Variants in PITPNC1 observed in about 807,000 individuals in gnomAD.
PITPNC1 encodes phosphatidylinositol transfer protein cytoplasmic 1.
Under a neutral mutation model 44.7 loss-of-function variants are expected in PITPNC1, and 18 were observed. The observed-to-expected ratio is 0.40, with a 90% CI of 0.28 to 0.60. The LOEUF is 0.60. PITPNC1 is among the 20% of genes least tolerant of loss of function. The pLI is 0.39. For missense variants in PITPNC1, 290 were observed against 418.4 expected (o/e 0.69, Z 2.68); for synonymous variants, 141 against 149.6 (o/e 0.94, Z 0.42).
At position 67,684,879 on chromosome 17, in the gene PITPNC1, G is replaced by T. The variant is rs184466308; in HGVS notation, c.683-7693G>T. Among the ~76,000 whole-genome samples, 7 of 152,280 alleles carry T rather than the reference G, an allele frequency of 4.6e-5. No individual in the cohort carries two copies. In the East Asian group the frequency reaches 1.4e-3, roughly 29 times the overall value. On this transcript the variant is annotated intron_variant, in intron 8 of 8. Transcript: ENST00000581322. ...GAAAGCCCATAGTCACAAAGTTTAA[G>T]CCCCTATCTTGACGTTGAGCTAATT... is the stretch of plus-strand genomic sequence containing the variant.
At chr17:67,632,472 T>C in intron 6 of PITPNC1, 1 of 549,974 alleles carries the variant, frequency 1.8e-6, no homozygotes. Context: ...GTCTCCCAAC[T>C]CTGCCATCAT....
chr17:67,596,634 C>T (rs1427008786), intron 5 of PITPNC1, among the ~76,000 whole-genome samples: 1 of 152,104 alleles, frequency 6.6e-6, no homozygotes, highest in Non-Finnish European at 1.5e-5. Flanking sequence ...CCTCGGCCTC[C>T]TGAGTAGCTG....
intron 1 of PITPNC1, among the ~76,000 whole-genome samples, chr17:67,478,164 TG>T (rs1161901456): frequency 1.3e-5 from 2 of 152,160 alleles, no homozygotes; most frequent in Non-Finnish European, 2.9e-5. Flanking sequence ...TGGAATGAAA[TG>T]AAGGCTGTGT....
At chr17:67,606,286 A>T (rs977920607) in intron 5 of PITPNC1, among the ~76,000 whole-genome samples, 1 of 152,252 alleles carries the variant, frequency 6.6e-6, no homozygotes, top group African/African-American at 2.4e-5. Context: ...TTTCTTTATC[A>T]AACCTTGGGG....
At chr17:67,476,320 G>A (rs1432158096) in intron 1 of PITPNC1, among the ~76,000 whole-genome samples, 2 of 151,910 alleles carry the variant, frequency 1.3e-5, no homozygotes, top group Admixed American at 1.3e-4. Context: ...CTGAGGAGCT[G>A]GGATTACAGG....
intron 6 of PITPNC1, among the ~76,000 whole-genome samples, chr17:67,643,341 G>A (rs61294304): frequency 0.11 from 16,190 of 152,130 alleles, 1,435 homozygotes; most frequent in African/African-American, 0.23. Flanking sequence ...AGCTGAGATC[G>A]CGCCACTGCA....
At chr17:67,576,848 C>T (rs1291836130) in intron 4 of PITPNC1, among the ~76,000 whole-genome samples, 1 of 152,134 alleles carries the variant, frequency 6.6e-6, no homozygotes, top group East Asian at 1.9e-4. Context: ...ATTCTTGCTG[C>T]CCAGTATTAT....
chr17:67,632,384 A>G, intron 6 of PITPNC1, 146 bp downstream of exon 6: 1 of 623,470 alleles, frequency 1.6e-6, no homozygotes, highest in Admixed American at 2.7e-5. Flanking sequence ...TCTTTTTGCA[A>G]GTCTCAAAAT....
intron 1 of PITPNC1, among the ~76,000 whole-genome samples, chr17:67,509,978 A>G (rs1025724135): frequency 2.6e-5 from 4 of 152,232 alleles, no homozygotes; most frequent in Admixed American, 2.6e-4. Flanking sequence ...ATTGACTTCA[A>G]TGAGTCTTAA....
At chr17:67,619,225 G>A (rs2041799595) in intron 5 of PITPNC1, among the ~76,000 whole-genome samples, 1 of 152,144 alleles carries the variant, frequency 6.6e-6, no homozygotes, top group South Asian at 2.1e-4. Flanking sequence ...ACTTATTTCT[G>A]TGTGCTCAAA....
At chr17:67,610,994 G>A (rs1432120550) in intron 5 of PITPNC1, among the ~76,000 whole-genome samples, 3 of 151,924 alleles carry the variant, frequency 2.0e-5, no homozygotes, top group Non-Finnish European at 4.4e-5. Flanking sequence ...CTACTTGTTG[G>A]CTAACAAGAT....
chr17:67,593,751 C>A (rs1364404606), intron 5 of PITPNC1, among the ~76,000 whole-genome samples: 1 of 152,100 alleles, frequency 6.6e-6, no homozygotes, highest in African/African-American at 2.4e-5. Flanking sequence ...AGAAAATATT[C>A]ATCTGAGTCT....
intron 6 of PITPNC1, among the ~76,000 whole-genome samples, chr17:67,643,973 G>C (rs2042118559): frequency 6.6e-6 from 1 of 152,176 alleles, no homozygotes; most frequent in African/African-American, 2.4e-5. Context: ...GTGGAGAACA[G>C]GAGCAGAGGT....
chr17:67,437,526 T>G (rs1307209712), intron 1 of PITPNC1, among the ~76,000 whole-genome samples: 1 of 152,216 alleles, frequency 6.6e-6, no homozygotes, highest in Non-Finnish European at 1.5e-5. Context: ...AACACATTTC[T>G]GTTGCTTTAG....
At chr17:67,647,464 G>GTTTTT (rs60407940) in intron 6 of PITPNC1, among the ~76,000 whole-genome samples, 95 of 72,348 alleles carry the variant, frequency 1.3e-3, no homozygotes, top group East Asian at 1.7e-3. Flanking sequence ...CTAATTTTGG[G>GTTTTT]TTTTTTTTTT....
intron 1 of PITPNC1, among the ~76,000 whole-genome samples, chr17:67,442,204 C>CATATAT (rs10526037): frequency 0.015 from 829 of 54,058 alleles, 52 homozygotes; most frequent in East Asian, 0.024. Context: ...GGAAAATAAG[C>CATATAT]ATATATATAT....
chr17:67,569,244 C>T (rs1473845109), intron 4 of PITPNC1, among the ~76,000 whole-genome samples: 1 of 152,166 alleles, frequency 6.6e-6, no homozygotes, highest in East Asian at 1.9e-4. Flanking sequence ...CAACCCTAAT[C>T]GATCACTGGA....
chr17:67,395,469 CAG>C lies in PITPNC1; in HGVS notation c.48+17268_48+17269del, dbSNP rs546690847. ...TGGCCTGGACAGGTAGTTTTGAAAA[CAG>C]GGGTTATCACTAGAGAAGTCTGTGC... is the stretch of plus-strand genomic sequence containing the variant. On this transcript the variant is annotated intron_variant, in intron 1 of 8. Transcript: ENST00000581322. Among the ~76,000 whole-genome samples the C allele has an allele frequency of 4.9e-3, 753 of 152,222 alleles. 5 individuals carry two copies. The highest frequency in any genetic ancestry group is 0.017 in the African/African-American group (710 of 41,538).
At chr17:67,547,883 A>T (rs2040705919) in intron 2 of PITPNC1, among the ~76,000 whole-genome samples, 1 of 152,164 alleles carries the variant, frequency 6.6e-6, no homozygotes, top group Non-Finnish European at 1.5e-5. Context: ...GGAATTTATG[A>T]CATGAGAGAT....
Sources: allele counts gnomAD v4.1 joint callset (sites outside exome capture counted in the v4.1 genomes callset), GRCh38; gene constraint gnomAD v4.1.1; transcripts MANE v1.5; gene names NCBI Gene and HGNC (gene_info 2026-07-23, HGNC 2026-07-21).